Variants in RAD50 observed in about 807,000 individuals in gnomAD.
The protein encoded by RAD50 is RAD50 double strand break repair protein, also known as DNA repair protein RAD50.
Under a neutral mutation model 168.8 loss-of-function variants are expected in RAD50, and 132 were observed. That is an observed-to-expected ratio of 0.78 (90% CI 0.68 to 0.90). The LOEUF (loss-of-function observed/expected upper bound fraction) is 0.90, where lower values mean the gene tolerates loss of function less well. Among genes scored for constraint, RAD50 ranks in the 40% least tolerant of loss-of-function variants. The pLI, the probability that RAD50 is intolerant of heterozygous loss-of-function variation, is 0.00. For missense variants in RAD50, 1,347 were observed against 1,534.4 expected (o/e 0.88, Z 2.04); for synonymous variants, 525 against 497.4 (o/e 1.06, Z -0.74).
In RAD50 at chr5:132,557,444, G is replaced by T; in HGVS notation, c.120G>T (p.Ala40=). The T allele has an allele frequency of 6.2e-7, 1 of 1,614,092 alleles. No individual in the cohort carries two copies. Among genetic ancestry groups the T allele is most frequent in the Admixed American group, 1.7e-5 (1 of 60,030 alleles). The change falls in exon 1 of 25, where the codon GCG becomes GCT. Residue 40 remains alanine (A), a synonymous_variant. Transcript: ENST00000378823. ...PLTILVGPNG[A]GKTTIIECLK... is the part of the protein sequence containing the mutation. ...CAATTTTGGTTGGACCCAATGGGGC[G>T]GGAAAGACGGTAAGTCTTCAGTAGC...
intron 19 of RAD50, among the ~76,000 whole-genome samples, chr5:132,610,662 A>T (rs1313985523): frequency 6.6e-6 from 1 of 152,208 alleles, no homozygotes; most frequent in African/African-American, 2.4e-5. Context: ...AATATATGAA[A>T]TATCAGTCAA....
At chr5:132,627,959 T>G (rs974587536) in intron 21 of RAD50, among the ~76,000 whole-genome samples, 2 of 152,116 alleles carry the variant, frequency 1.3e-5, no homozygotes, top group African/African-American at 2.4e-5. Flanking sequence ...AGGCCTTGCT[T>G]CTGAATTGAG....
intron 13 of RAD50, among the ~76,000 whole-genome samples, chr5:132,601,443 T>C (rs934182628): frequency 2.6e-5 from 4 of 152,204 alleles, no homozygotes; most frequent in African/African-American, 9.6e-5. Flanking sequence ...TTCACAGAGA[T>C]GTCCCCAGTT....
In RAD50 at chr5:132,588,036, A is replaced by G. The variant is rs1554098201; in HGVS notation, c.998A>G (p.Asn333Ser). ...VDCHRELEKL[N>S]KESRLLNQEK... ...TGTCATCGTGAACTGGAAAAACTAAATAAAGAATCTAGGCTTCTCAATCAG... is the reference window on the plus strand; with the variant it reads ...TGTCATCGTGAACTGGAAAAACTAAGTAAAGAATCTAGGCTTCTCAATCAG... The change falls in exon 7 of 25, where the codon AAT becomes AGT. Residue 333 changes from asparagine (N) to serine (S), a missense_variant. Asn to Ser is a conservative substitution (Grantham distance 46). Around this residue, in one of 3 missense-constraint regions of RAD50, gnomAD observed 703 missense variants for 767.7 expected, o/e 0.92. Coordinates refer to ENST00000378823, the MANE Select transcript of RAD50 (RefSeq NM_005732.4). 6.2e-7 allele frequency: 1 copy of G among 1,612,722 alleles called. No individual in the cohort carries two copies. The highest frequency in any genetic ancestry group is 8.5e-7 in the Non-Finnish European group (1 of 1,178,852).
chr5:132,592,689 T>C (rs537782093), intron 11 of RAD50: 3 of 368,612 alleles, frequency 8.1e-6, no homozygotes, highest in Admixed American at 5.8e-5. Flanking sequence ...TTTGCTCTTA[T>C]CTGGTCTGCT....
intron 5 of RAD50, 118 bp from the exon 6 acceptor site, chr5:132,587,444 A>C: frequency 7.0e-7 from 1 of 1,427,262 alleles, no homozygotes; most frequent in Non-Finnish European, 9.4e-7. Context: ...TGTTATTGTT[A>C]GCCTTAAATG....
At chr5:132,591,026 A>G (rs182712238) in intron 9 of RAD50, among the ~76,000 whole-genome samples, 198 bp from the exon 10 acceptor site, 2 of 152,324 alleles carry the variant, frequency 1.3e-5, no homozygotes, top group East Asian at 3.9e-4. Flanking sequence ...ATTCTCTACC[A>G]TTATAACATA....
At chr5:132,559,681 T>C (rs1439789735) in intron 2 of RAD50, among the ~76,000 whole-genome samples, 2 of 152,240 alleles carry the variant, frequency 1.3e-5, no homozygotes, top group African/African-American at 4.8e-5. Context: ...TTAATCTTTA[T>C]ACTGCTTTGT....
chr5:132,610,510 T>C (rs1436837938), intron 19 of RAD50, among the ~76,000 whole-genome samples: 1 of 152,196 alleles, frequency 6.6e-6, no homozygotes, highest in African/African-American at 2.4e-5. Flanking sequence ...AACTATACCA[T>C]TTCTCTGTTC....
At chr5:132,624,563 G>GT (rs1317722424) in intron 21 of RAD50, among the ~76,000 whole-genome samples, 1 of 152,082 alleles carries the variant, frequency 6.6e-6, no homozygotes, top group East Asian at 1.9e-4. Flanking sequence ...GGATATTATA[G>GT]TTTATTTGAA....
At chr5:132,615,918 G>A in intron 19 of RAD50, 85 bp from the exon 20 acceptor site, 2 of 1,230,574 alleles carry the variant, frequency 1.6e-6, no homozygotes, top group Non-Finnish European at 2.4e-6. Context: ...GACAGAAATG[G>A]CACTTGCTGT....
chr5:132,595,060 T>C lies in RAD50; in HGVS notation c.1969+16T>C, dbSNP rs748101628. 6.3e-7 allele frequency: 1 copy of C among 1,598,086 alleles called. No individual in the cohort carries two copies. Among genetic ancestry groups the C allele is most frequent in the Non-Finnish European group, 8.6e-7 (1 of 1,166,272 alleles). On this transcript the variant is annotated intron_variant, in intron 12 of 24. Coordinates refer to ENST00000378823, the MANE Select transcript of RAD50 (RefSeq NM_005732.4). ...AAACAGCGAGGTAAGTTGTCTACTTTATATTATCAGGATACTTTGACACCT... is the reference window on the plus strand; with the variant it reads ...AAACAGCGAGGTAAGTTGTCTACTTCATATTATCAGGATACTTTGACACCT...
intron 21 of RAD50, among the ~76,000 whole-genome samples, chr5:132,629,989 A>G (rs1435324559): frequency 6.6e-6 from 1 of 152,160 alleles, no homozygotes; most frequent in Non-Finnish European, 1.5e-5. Context: ...CCCATGCCCA[A>G]AATGTTCTAC....
chr5:132,625,904 C>CTT (rs1263606191), intron 21 of RAD50, among the ~76,000 whole-genome samples: 1 of 145,564 alleles, frequency 6.9e-6, no homozygotes, highest in Non-Finnish European at 1.5e-5. Flanking sequence ...ATATGAACAA[C>CTT]TTTTTTTTTT....
chr5:132,602,369 A>T (rs1157810985), intron 13 of RAD50, among the ~76,000 whole-genome samples: 1 of 151,918 alleles, frequency 6.6e-6, no homozygotes, highest in African/African-American at 2.4e-5. Context: ...TCTGAAGTAA[A>T]TTTTTTTTAA....
intron 6 of RAD50, 104 bp downstream of exon 6, chr5:132,587,794 G>A: frequency 3.8e-6 from 6 of 1,560,258 alleles, no homozygotes; most frequent in Non-Finnish European, 5.3e-6. Context: ...AACAAATACA[G>A]ATCTTGTTAC....
At chr5:132,587,518 A>C in intron 5 of RAD50, 44 bp from the exon 6 acceptor site, 2 of 1,604,778 alleles carry the variant, frequency 1.2e-6, no homozygotes, top group Non-Finnish European at 1.7e-6. Flanking sequence ...TCAGCCATGT[A>C]AGCTATAGTG....
At chr5:132,564,874 T>C (rs1490444320) in intron 2 of RAD50, among the ~76,000 whole-genome samples, 1 of 151,984 alleles carries the variant, frequency 6.6e-6, no homozygotes. Flanking sequence ...GCTGTAAGCC[T>C]TGGCAGCTTC....
At chr5:132,613,879 G>A (rs1316659948) in intron 19 of RAD50, among the ~76,000 whole-genome samples, 1 of 152,098 alleles carries the variant, frequency 6.6e-6, no homozygotes, top group African/African-American at 2.4e-5. Context: ...TTACAGGTAT[G>A]AGCCACCACG....
Sources: allele counts gnomAD v4.1 joint callset (sites outside exome capture counted in the v4.1 genomes callset), GRCh38; gene constraint gnomAD v4.1.1; regional missense constraint gnomAD v4.1.1; transcripts MANE v1.5; gene names NCBI Gene and HGNC (gene_info 2026-07-23, HGNC 2026-07-21).